The following MAN2B1 variants were observed in gnomAD, a reference collection of about 807,000 sequenced individuals.
MAN2B1 encodes the protein lysosomal alpha-mannosidase.
In MAN2B1, 99 loss-of-function variants were observed where a neutral mutation model predicts 127.5. The observed-to-expected ratio is 0.78, with a 90% confidence interval of 0.66 to 0.92. The LOEUF is 0.92. Among genes scored for constraint, MAN2B1 ranks in the 40% least tolerant of loss-of-function variants. MAN2B1 has a pLI of 0.00. For synonymous variants in MAN2B1, 573 were observed against 568.8 expected (o/e 1.01, Z -0.11); for missense variants, 1,304 against 1,384.8 (o/e 0.94, Z 0.93).
chr19:12,649,858 C>CCTGGGCCCCAA, intron 18 of MAN2B1, 55 bp downstream of exon 18: 2 of 1,405,202 alleles, frequency 1.4e-6, no homozygotes, highest in Non-Finnish European at 1.0e-6. Context: ...CCTCACCACC[C>CCTGGGCCCCAA]CTGGGCCCCA....
chr19:12,658,469 G>T lies in MAN2B1; in HGVS notation c.1068C>A (p.Pro356=), dbSNP rs117880912. 2.0e-5 allele frequency: 32 copies of T among 1,614,096 alleles called. No individual in the cohort carries two copies. The highest frequency in any genetic ancestry group is 2.7e-5 in the Non-Finnish European group (32 of 1,180,042). The change falls in exon 8 of 24, where the codon CCC becomes CCA. Residue 356 remains proline (P), a synonymous_variant. Transcript: ENST00000456935. The part of the protein sequence containing the change: ...GSSVHVLYST[P]ACYLWELNKA... ...TGTTCAGCTCCCAGAGGTAACAAGC[G>T]GGGGTGGAGTAGAGAACATGGACAC...
chr19:12,651,893 A>C (rs2145238238), intron 16 of MAN2B1, among the ~76,000 whole-genome samples: 1 of 152,272 alleles, frequency 6.6e-6, no homozygotes, highest in East Asian at 1.9e-4. Flanking sequence ...TTCCAAAACT[A>C]AGTATGTAAA....
chr19:12,663,857 G>C (rs1277699485), intron 4 of MAN2B1, 22 bp from the exon 5 acceptor site: 4 of 1,613,918 alleles, frequency 2.5e-6, no homozygotes, highest in South Asian at 1.1e-5. Context: ...GGAGGAAAAG[G>C]CAGTGTGAAT....
At chr19:12,658,782 T>G (rs1292105750) in intron 7 of MAN2B1, 2 of 488,292 alleles carry the variant, frequency 4.1e-6, no homozygotes, top group African/African-American at 3.9e-5. Flanking sequence ...ATTAAAAACT[T>G]TTGTGGAAAA....
At chr19:12,655,923 A>G in intron 13 of MAN2B1, 44 bp from the exon 14 acceptor site, 1 of 1,543,846 alleles carries the variant, frequency 6.5e-7, no homozygotes, top group Non-Finnish European at 8.9e-7. Context: ...GTACCCATGG[A>G]AAGCTATACA....
At chr19:12,664,613 G>T (rs1394278925) in intron 4 of MAN2B1, among the ~76,000 whole-genome samples, 179 bp downstream of exon 4, 1 of 152,138 alleles carries the variant, frequency 6.6e-6, no homozygotes, top group Non-Finnish European at 1.5e-5. Flanking sequence ...GGGCATAGCC[G>T]GCTGAGGCCA....
In MAN2B1 at chr19:12,655,908, C is replaced by A; in HGVS notation, c.1645-29G>T. On this transcript the variant is annotated intron_variant, in intron 13 of 23. Transcript: ENST00000456935. ...GGATAAAGGAGGAGGGAAACTGAGTCAAGAGTACCCATGGAAAGCTATACA... is the reference window on the plus strand; with the variant it reads ...GGATAAAGGAGGAGGGAAACTGAGTAAAGAGTACCCATGGAAAGCTATACA... 3 of 1,596,466 alleles carry A rather than the reference C, an allele frequency of 1.9e-6. No homozygotes were observed. The South Asian group carries it at 3.3e-5, about 18-fold the overall frequency.
At chr19:12,658,174 C>T (rs750601409) in intron 9 of MAN2B1, 33 bp from the exon 10 acceptor site, 1 of 1,613,520 alleles carries the variant, frequency 6.2e-7, no homozygotes, top group African/African-American at 1.3e-5. Flanking sequence ...GGGCGCCCAG[C>T]CTGTCGGGCC....
intron 14 of MAN2B1, among the ~76,000 whole-genome samples, chr19:12,653,343 C>T (rs2023885841): frequency 1.3e-5 from 2 of 151,208 alleles, no homozygotes; most frequent in Admixed American, 1.3e-4. Context: ...GACAGGGTTT[C>T]ACAATATTGG....
At chr19:12,653,843 C>T (rs914927969) in intron 14 of MAN2B1, among the ~76,000 whole-genome samples, 20 of 151,840 alleles carry the variant, frequency 1.3e-4, no homozygotes, top group African/African-American at 4.6e-4. Flanking sequence ...CTCTCCCTCC[C>T]GAGTAGCTAG....
chr19:12,665,146 C>A, intron 3 of MAN2B1, 161 bp from the exon 4 acceptor site: 1 of 1,016,174 alleles, frequency 9.8e-7, no homozygotes, highest in South Asian at 1.3e-5. Flanking sequence ...GGAAAGAGGC[C>A]CCCTGCATGG....
intron 19 of MAN2B1, 30 bp downstream of exon 19, chr19:12,649,311 G>A: frequency 6.2e-7 from 1 of 1,605,036 alleles, no homozygotes; most frequent in Non-Finnish European, 8.5e-7. Context: ...TTCTATCGAG[G>A]TGGGGAGGTG....
At position 12,656,583 on chromosome 19, in the gene MAN2B1, T is replaced by C. The variant is rs2023964465; in HGVS notation, c.1632A>G (p.Thr544=). The C allele has an allele frequency of 1.2e-6, 2 of 1,612,854 alleles. No homozygotes were observed. Among genetic ancestry groups the C allele is most frequent in the African/African-American group, 1.3e-5 (1 of 74,858 alleles). ...VFVVKDPNGR[T]VPSDVVIFPS... ...TGTTTGGGCTCACATCGCTGGGCAC[T>C]GTCCTGCCATTGGGGTCCTTCACAA... Residue 544 remains threonine (T), a synonymous_variant, in exon 13 of 24, where the codon ACA becomes ACG. Transcript: ENST00000456935.
At chr19:12,664,141 G>A (rs909161610) in intron 4 of MAN2B1, among the ~76,000 whole-genome samples, 2 of 152,146 alleles carry the variant, frequency 1.3e-5, no homozygotes, top group African/African-American at 2.4e-5. Context: ...CAGGAGAATC[G>A]CTTGAATCCG....
At chr19:12,664,524 T>G (rs2024180761) in intron 4 of MAN2B1, among the ~76,000 whole-genome samples, 1 of 151,918 alleles carries the variant, frequency 6.6e-6, no homozygotes, top group Non-Finnish European at 1.5e-5. Flanking sequence ...GGACCCGAGC[T>G]AGTGGGTGGG....
At position 12,664,800 on chromosome 19, in the gene MAN2B1, A is replaced by G. The variant is rs770309658; in HGVS notation, c.622T>C (p.Phe208Leu). ...FGHSREQASL[F>L]AQMGFDGFFF... ...GAGGTCCCGGGTCGCACCTGCGCAA[A>G]CAGCGAGGCCTGCTCCCGAGAGTGG... The change falls in exon 4 of 24, where the codon TTT becomes CTT. Residue 208 changes from phenylalanine to leucine, a missense_variant. Phe to Leu is a conservative substitution (Grantham distance 22). Coordinates refer to ENST00000456935, the MANE Select transcript of MAN2B1 (RefSeq NM_000528.4). 6.2e-7 allele frequency: 1 copy of G among 1,613,278 alleles called. No homozygotes were observed. The highest frequency in any genetic ancestry group is 1.1e-5 in the South Asian group (1 of 90,964).
chr19:12,663,901 C>T (rs1351914368), intron 4 of MAN2B1, 66 bp from the exon 5 acceptor site: 3 of 1,606,778 alleles, frequency 1.9e-6, no homozygotes, highest in East Asian at 4.5e-5. Context: ...AAACTCCCCT[C>T]TGCTTGGGAG....
At chr19:12,656,006 G>C (rs1599348637) in intron 13 of MAN2B1, 127 bp from the exon 14 acceptor site, 2 of 719,150 alleles carry the variant, frequency 2.8e-6, no homozygotes, top group South Asian at 3.2e-5. Context: ...TGTGTGTGGT[G>C]GGGGGACAGT....
rs188636364 is a variant in MAN2B1, at chr19:12,650,430, C to T, written c.2047-208G>A. On this transcript the variant is annotated intron_variant, in intron 16 of 23. Transcript: ENST00000456935. ...CGGGAGTGCAGTGGCGCGATCTCGG[C>T]TCACTGCAAGCTCCGCCTCCCGGGT... Among the ~76,000 whole-genome samples, 1,357 of 149,740 alleles carry T rather than the reference C, an allele frequency of 9.1e-3. 23 individuals are homozygous for T. The highest frequency in any genetic ancestry group is 0.032 in the African/African-American group (1,302 of 40,530).
Sources: allele counts gnomAD v4.1 joint callset (sites outside exome capture counted in the v4.1 genomes callset), GRCh38; gene constraint gnomAD v4.1.1; transcripts MANE v1.5; gene names NCBI Gene and HGNC (gene_info 2026-07-23, HGNC 2026-07-21).